The following DOCK4 variants were observed in gnomAD, a reference collection of about 807,000 sequenced individuals.
DOCK4 encodes the protein dedicator of cytokinesis protein 4.
DOCK4 carries 97 observed loss-of-function variants against 268.1 expected under a neutral mutation model. That is an observed-to-expected ratio of 0.36 (90% CI 0.31 to 0.43). DOCK4 has a LOEUF of 0.43. Ranked by LOEUF, DOCK4 falls within the 20% of genes least tolerant of loss-of-function variation. The pLI, the probability that DOCK4 is intolerant of heterozygous loss-of-function variation, is 1.00. For missense variants in DOCK4, 2,145 were observed against 2,455.7 expected (o/e 0.87, Z 2.67); for synonymous variants, 954 against 887.2 (o/e 1.08, Z -1.34).
chr7:111,729,121 A>G (rs1563416056), intron 52 of DOCK4, among the ~76,000 whole-genome samples: 1 of 152,164 alleles, frequency 6.6e-6, no homozygotes, highest in Admixed American at 6.5e-5. Flanking sequence ...TTTGTGAGGG[A>G]AGCCCGAGCA....
intron 16 of DOCK4, among the ~76,000 whole-genome samples, chr7:111,884,118 GA>G (rs1268482029): frequency 6.6e-6 from 1 of 152,012 alleles, no homozygotes; most frequent in Non-Finnish European, 1.5e-5. Flanking sequence ...ATCTATTTCT[GA>G]AAAACTTAAG....
At chr7:111,924,865 C>T (rs1793466945) in intron 12 of DOCK4, among the ~76,000 whole-genome samples, 1 of 152,176 alleles carries the variant, frequency 6.6e-6, no homozygotes, top group Non-Finnish European at 1.5e-5. Flanking sequence ...CTTCACACTG[C>T]CATTCTGTAG....
chr7:112,050,152 G>T (rs1805215687), intron 1 of DOCK4, among the ~76,000 whole-genome samples: 1 of 152,086 alleles, frequency 6.6e-6, no homozygotes, highest in African/African-American at 2.4e-5. Flanking sequence ...CTTCTAAAAG[G>T]AGACATTCAG....
At chr7:111,946,434 T>C (rs1333460055) in intron 8 of DOCK4, among the ~76,000 whole-genome samples, 1 of 152,090 alleles carries the variant, frequency 6.6e-6, no homozygotes, top group Admixed American at 6.5e-5. Context: ...AGGCTAGGCG[T>C]TTGAGGCCAG....
intron 30 of DOCK4, among the ~76,000 whole-genome samples, chr7:111,795,271 G>A (rs1030601465): frequency 1.8e-4 from 27 of 151,874 alleles, no homozygotes; most frequent in African/African-American, 6.1e-4. Context: ...ATGAAGTACA[G>A]CTGAGAAACA....
At chr7:111,845,859 T>C (rs747004496) in intron 24 of DOCK4, among the ~76,000 whole-genome samples, 10 of 152,142 alleles carry the variant, frequency 6.6e-5, no homozygotes. Context: ...GCAATTATAA[T>C]TTGGAAAACG....
chr7:112,013,701 T>C (rs1156389533), intron 1 of DOCK4, among the ~76,000 whole-genome samples: 1 of 152,238 alleles, frequency 6.6e-6, no homozygotes, highest in African/African-American at 2.4e-5. Flanking sequence ...ACAGGTTTTG[T>C]ATGAGCAATA....
chr7:111,798,078 G>C (rs1800024463), intron 30 of DOCK4, among the ~76,000 whole-genome samples: 1 of 152,192 alleles, frequency 6.6e-6, no homozygotes, highest in Non-Finnish European at 1.5e-5. Flanking sequence ...GCAAAGTCCA[G>C]GATCCCCGAG....
rs142772628 is a variant in DOCK4 at position 111,793,716 on chromosome 7, A to G, written c.3167-3111T>C. On this transcript the variant is annotated intron_variant, in intron 30 of 52. Transcript: ENST00000428084. ...GCTATTGCTAAGCTATAAATCTAGT[A>G]TCAAGAAAAAACAAAGGGCCTGGTG... 2.4e-3 allele frequency among the ~76,000 whole-genome samples: 370 copies of G among 152,300 alleles called. 2 individuals carry two copies. The highest frequency in any genetic ancestry group is 0.015 in the East Asian group (78 of 5,192).
chr7:111,758,773 C>G lies in DOCK4; in HGVS notation c.4180G>C (p.Val1394Leu). Residue 1394 changes from valine (V) to leucine (L), a missense_variant, in exon 41 of 53, where the codon GTG becomes CTG. By Grantham distance (32) the Val-to-Leu change is conservative (BLOSUM62 1). Transcript: ENST00000428084. ...AEAQYLQIYA[V>L]TPIPESQEVL... ...TCCTGGCTCTCTGGAATGGGAGTCA[C>G]AGCATATATCTGCAAATCTAGGATT... 1 of 1,613,780 alleles carries G rather than the reference C, an allele frequency of 6.2e-7. No individual in the cohort carries two copies. Among genetic ancestry groups the G allele is most frequent in the Non-Finnish European group, 8.5e-7 (1 of 1,179,808 alleles).
At chr7:112,120,093 C>T (rs1039105046) in intron 1 of DOCK4, among the ~76,000 whole-genome samples, 2 of 152,052 alleles carry the variant, frequency 1.3e-5, no homozygotes, top group African/African-American at 4.8e-5. Flanking sequence ...GTGATCCGCC[C>T]GCCTCGGCCT....
At chr7:111,917,514 C>T (rs1255956929) in intron 12 of DOCK4, among the ~76,000 whole-genome samples, 1 of 151,702 alleles carries the variant, frequency 6.6e-6, no homozygotes, top group African/African-American at 2.4e-5. Flanking sequence ...GAGATCAAGA[C>T]CATCCTGGCT....
chr7:112,087,127 G>A (rs1056374566), intron 1 of DOCK4, among the ~76,000 whole-genome samples: 1 of 152,004 alleles, frequency 6.6e-6, no homozygotes, highest in Admixed American at 6.6e-5. Context: ...AACATTCCAA[G>A]ATGCCAATAT....
At chr7:111,919,497 A>G (rs1353963899) in intron 12 of DOCK4, among the ~76,000 whole-genome samples, 6 of 152,194 alleles carry the variant, frequency 3.9e-5, no homozygotes, top group Admixed American at 3.9e-4. Context: ...CTGGCATTTC[A>G]GAGTTGGATG....
At position 112,068,167 on chromosome 7, in the gene DOCK4, T is replaced by C. The variant is rs553500092; in HGVS notation, c.38-64036A>G. Reference sequence around the variant, plus strand: ...GGAGTTTGCAAAGAAGACTGCACTATTGTACTCATAATCTAGTATAACAGC... The same window carrying C: ...GGAGTTTGCAAAGAAGACTGCACTACTGTACTCATAATCTAGTATAACAGC... On this transcript the variant is annotated intron_variant, in intron 1 of 52. Transcript: ENST00000428084. 7.2e-5 allele frequency among the ~76,000 whole-genome samples: 11 copies of C among 152,344 alleles called. No homozygotes were observed. The East Asian group carries it at 1.5e-3, about 21-fold the overall frequency.
chr7:112,154,490 T>C (rs982744627), intron 1 of DOCK4, among the ~76,000 whole-genome samples: 2 of 121,304 alleles, frequency 1.6e-5, no homozygotes, highest in African/African-American at 5.9e-5. Context: ...TACAGTGATG[T>C]TTTACATTTG....
At chr7:111,924,614 C>T (rs1007578107) in intron 12 of DOCK4, among the ~76,000 whole-genome samples, 5 of 152,142 alleles carry the variant, frequency 3.3e-5, no homozygotes, top group African/African-American at 1.2e-4. Context: ...GATTTCTAGA[C>T]ATTAGTCCTG....
chr7:111,923,327 A>G (rs1450918544), intron 12 of DOCK4, among the ~76,000 whole-genome samples: 1 of 152,200 alleles, frequency 6.6e-6, no homozygotes, highest in Admixed American at 6.5e-5. Flanking sequence ...TGACTGTAAC[A>G]GTTTGGCAAG....
chr7:112,137,487 T>C (rs1040921886), intron 1 of DOCK4, among the ~76,000 whole-genome samples: 1 of 152,224 alleles, frequency 6.6e-6, no homozygotes, highest in African/African-American at 2.4e-5. Context: ...TTCCATCTAT[T>C]CTAAGACATG....
Sources: gnomAD v4.1 joint callset for allele counts (sites outside exome capture counted in the v4.1 genomes callset) on GRCh38, gnomAD v4.1.1 for gene constraint, MANE v1.5 for transcripts, NCBI Gene and HGNC (gene_info 2026-07-23, HGNC 2026-07-21) for gene names.